Variants in TMEM178B observed in about 807,000 individuals in gnomAD.
TMEM178B encodes transmembrane protein 178B.
TMEM178B carries 5 observed loss-of-function variants against 31.0 expected under a neutral mutation model. The ratio of observed to expected loss-of-function variants is 0.16; its 90% confidence interval spans 0.08 to 0.34. The LOEUF (loss-of-function observed/expected upper bound fraction) is 0.34, where lower values mean the gene tolerates loss of function less well. Ranked by LOEUF, TMEM178B falls within the 10% of genes least tolerant of loss-of-function variation. The pLI, the probability that TMEM178B is intolerant of heterozygous loss-of-function variation, is 1.00. For synonymous variants in TMEM178B, 164 were observed against 164.0 expected, an observed-to-expected ratio of 1.00 and a Z score of 0.00; for missense variants, 275 against 400.3, an observed-to-expected ratio of 0.69 and a Z score of 2.67.
intron 2 of TMEM178B, among the ~76,000 whole-genome samples, chr7:141,267,796 G>C (rs1054619997): frequency 6.6e-6 from 1 of 152,246 alleles, no homozygotes; most frequent in Non-Finnish European, 1.5e-5. Context: ...GAAGGGCTCT[G>C]CTGGCCTGAT....
At chr7:141,226,842 A>T (rs1368898166) in intron 2 of TMEM178B, among the ~76,000 whole-genome samples, 1 of 146,572 alleles carries the variant, frequency 6.8e-6, no homozygotes, top group Non-Finnish European at 1.5e-5. Context: ...TAAGCAACAG[A>T]GTGAGACTAC....
Position 141,472,390 on chromosome 7 carries a change from T to C in TMEM178B, c.*1604T>C, listed in dbSNP as rs1019992266. The C allele has an allele frequency of 5.3e-5, 8 of 152,186 alleles. No homozygotes were observed. The highest frequency in any genetic ancestry group is 1.9e-4 in the African/African-American group (8 of 41,442). 9.4% of individuals were successfully genotyped at this position (152,186 alleles called of 1,614,324 possible). On this transcript the variant is annotated 3_prime_UTR_variant, in exon 4 of 4. Coordinates refer to ENST00000565468, the MANE Select transcript of TMEM178B (RefSeq NM_001195278.2). The stretch of plus-strand genomic sequence containing the variant: ...GAGGTGGAATAAATCCACCCCAGTG[T>C]CTCGGGCTCATTTGAGCAAATTAGC...
chr7:141,263,650 G>C (rs2116365475), intron 2 of TMEM178B, among the ~76,000 whole-genome samples: 1 of 152,232 alleles, frequency 6.6e-6, no homozygotes, highest in South Asian at 2.1e-4. Context: ...ATGACGACAG[G>C]GGATGGCCCA....
chr7:141,209,945 T>C (rs1797027733), intron 1 of TMEM178B, among the ~76,000 whole-genome samples: 1 of 152,084 alleles, frequency 6.6e-6, no homozygotes, highest in African/African-American at 2.4e-5. Context: ...GCTGGGACTT[T>C]ATGCCTGAGG....
At chr7:141,489,043 A>G in the TMEM178B span, among the ~76,000 whole-genome samples, 1 of 152,132 alleles carries the variant, frequency 6.6e-6, no homozygotes, top group Non-Finnish European at 1.5e-5. Flanking sequence ...CCTAAAGATA[A>G]CCACCATTAA....
intron 1 of TMEM178B, among the ~76,000 whole-genome samples, chr7:141,202,821 G>A (rs947823275): frequency 1.3e-5 from 2 of 152,132 alleles, no homozygotes; most frequent in African/African-American, 4.8e-5. Context: ...CAACATTGCC[G>A]GTCTTGGTGG....
the TMEM178B span, among the ~76,000 whole-genome samples, chr7:141,488,630 G>C: frequency 1.5e-3 from 231 of 151,994 alleles, 1 homozygote; most frequent in African/African-American, 5.3e-3. Flanking sequence ...AGTAGAGACG[G>C]GGTTTTCCCA....
chr7:141,175,301 G>A (rs1796409888), intron 1 of TMEM178B, among the ~76,000 whole-genome samples: 1 of 152,130 alleles, frequency 6.6e-6, no homozygotes, highest in Non-Finnish European at 1.5e-5. Flanking sequence ...TGAGGCCTCT[G>A]TTCTGTTCCA....
intron 2 of TMEM178B, among the ~76,000 whole-genome samples, chr7:141,319,139 T>G (rs1357836865): frequency 1.3e-5 from 2 of 152,214 alleles, no homozygotes; most frequent in Non-Finnish European, 2.9e-5. Context: ...AACAAGAGTA[T>G]AGGAGAGTCA....
chr7:141,147,590 G>C (rs1036269057), intron 1 of TMEM178B, among the ~76,000 whole-genome samples: 1 of 152,114 alleles, frequency 6.6e-6, no homozygotes, highest in Non-Finnish European at 1.5e-5. Context: ...GGAGAGGAGG[G>C]GTGAGCATAT....
intron 2 of TMEM178B, among the ~76,000 whole-genome samples, chr7:141,370,938 G>A (rs570635153): frequency 2.6e-5 from 4 of 152,192 alleles, no homozygotes; most frequent in Admixed American, 6.5e-5. Flanking sequence ...GAGGATGCAC[G>A]GTTACCAGGT....
At chr7:141,138,947 G>A (rs943380188) in intron 1 of TMEM178B, among the ~76,000 whole-genome samples, 3 of 151,594 alleles carry the variant, frequency 2.0e-5, no homozygotes, top group African/African-American at 2.4e-5. Context: ...TCGCGCCACC[G>A]CAGTCCAGCC....
the TMEM178B span, among the ~76,000 whole-genome samples, chr7:141,506,714 C>T: frequency 6.6e-6 from 1 of 152,150 alleles, no homozygotes; most frequent in Non-Finnish European, 1.5e-5. Flanking sequence ...CATGCCTTCC[C>T]AACAGTCCTC....
At chr7:141,282,820 T>C (rs1798387528) in intron 2 of TMEM178B, among the ~76,000 whole-genome samples, 1 of 152,166 alleles carries the variant, frequency 6.6e-6, no homozygotes, top group East Asian at 1.9e-4. Context: ...TCTCAAAATA[T>C]TTTCATTTTT....
chr7:141,430,176 C>T (rs1486652279), intron 2 of TMEM178B: 1 of 152,238 alleles, frequency 6.6e-6, no homozygotes, highest in East Asian at 1.9e-4. Context: ...AATGCCTTCA[C>T]CTTGGCCTCT....
intron 2 of TMEM178B, among the ~76,000 whole-genome samples, chr7:141,267,916 G>A (rs1798119211): frequency 6.6e-6 from 1 of 152,170 alleles, no homozygotes. Flanking sequence ...TGTTCCTTAA[G>A]TATTCTCGAA....
chr7:141,387,299 C>T (rs1023365431), intron 2 of TMEM178B, among the ~76,000 whole-genome samples: 1 of 152,148 alleles, frequency 6.6e-6, no homozygotes, highest in African/African-American at 2.4e-5. Context: ...TGCACTTTCT[C>T]ATTTTATTTT....
chr7:141,199,731 G>T (rs536898994), intron 1 of TMEM178B, among the ~76,000 whole-genome samples: 7 of 152,138 alleles, frequency 4.6e-5, no homozygotes, highest in African/African-American at 1.7e-4. Flanking sequence ...AACTACAGGT[G>T]CAGGCCACCA....
chr7:141,374,618 G>A (rs555404850), intron 2 of TMEM178B, among the ~76,000 whole-genome samples: 90 of 152,314 alleles, frequency 5.9e-4, no homozygotes, highest in South Asian at 1.7e-3. Context: ...TTCCATCTGC[G>A]AAACCGCCTC....
Sources: gnomAD v4.1 joint callset for allele counts (sites outside exome capture counted in the v4.1 genomes callset) on GRCh38, gnomAD v4.1.1 for gene constraint, MANE v1.5 for transcripts, NCBI Gene and HGNC (gene_info 2026-07-23, HGNC 2026-07-21) for gene names.